The following CDH23 variants were observed in gnomAD, a reference collection of about 807,000 sequenced individuals.
The protein encoded by CDH23 is cadherin related 23.
CDH23 carries 189 observed loss-of-function variants against 317.1 expected under a neutral mutation model. That is an observed-to-expected ratio of 0.60 (90% CI 0.53 to 0.67). CDH23 has a LOEUF of 0.67. Among genes scored for constraint, CDH23 ranks in the 30% least tolerant of loss-of-function variants. The pLI is 0.00. For synonymous variants in CDH23, 1,839 were observed against 1,876.8 expected, an observed-to-expected ratio of 0.98 and a Z score of 0.52; for missense variants, 4,401 against 4,592.4, an observed-to-expected ratio of 0.96 and a Z score of 1.20.
chr10:71,474,011 TG>T (rs1330800243), intron 3 of CDH23, among the ~76,000 whole-genome samples: 1 of 152,242 alleles, frequency 6.6e-6, no homozygotes, highest in East Asian at 1.9e-4. Context: ...CTGCCGCTAA[TG>T]AGCGTCACAG....
chr10:71,712,952 C>A, intron 28 of CDH23, 139 bp downstream of exon 28: 2 of 1,054,362 alleles, frequency 1.9e-6, no homozygotes, highest in Admixed American at 2.1e-5. Context: ...CTGGAAGGTG[C>A]TGTGGGGAAA....
chr10:71,544,658 G>T (rs900001176), intron 6 of CDH23, among the ~76,000 whole-genome samples: 1 of 152,172 alleles, frequency 6.6e-6, no homozygotes. Flanking sequence ...CCTGGGACAC[G>T]CTGCACACCC....
At chr10:71,759,888 T>TATACACACACACACACATAC (rs1211461244) in intron 38 of CDH23, among the ~76,000 whole-genome samples, 1 of 29,946 alleles carries the variant, frequency 3.3e-5, no homozygotes, top group African/African-American at 7.6e-5. Context: ...CACACACATA[T>TATACACACACACACACATAC]ACACACACAC....
At chr10:71,587,340 T>C (rs1284149385) in intron 9 of CDH23, among the ~76,000 whole-genome samples, 3 of 152,254 alleles carry the variant, frequency 2.0e-5, no homozygotes, top group Non-Finnish European at 4.4e-5. Flanking sequence ...TATTCATTCA[T>C]TCATTTGTTC....
chr10:71,561,105 G>T (rs188442578), intron 6 of CDH23, among the ~76,000 whole-genome samples: 31 of 152,014 alleles, frequency 2.0e-4, no homozygotes, highest in African/African-American at 7.2e-4. Context: ...CTTTTCCTCT[G>T]TTCATAAGTT....
chr10:71,687,505 C>A, intron 18 of CDH23, 142 bp from the exon 19 acceptor site: 1 of 722,842 alleles, frequency 1.4e-6, no homozygotes, highest in Non-Finnish European at 2.5e-6. Flanking sequence ...GCTGACACCT[C>A]ACCTGGCTCT....
intron 1 of CDH23, among the ~76,000 whole-genome samples, chr10:71,409,047 T>G (rs1405985592): frequency 6.6e-6 from 1 of 152,228 alleles, no homozygotes; most frequent in Non-Finnish European, 1.5e-5. Context: ...GTTTGTTTGC[T>G]GAACTGGATA....
At position 71,403,454 on chromosome 10, in the gene CDH23, T is replaced by TTTCCTTCC. The variant is rs1158827093; in HGVS notation, c.-6+6183_-6+6190dup. On this transcript the variant is annotated intron_variant, in intron 1 of 69. Transcript: ENST00000224721. ...CTTCCTTCCTTCCTTCCTTCCTTCC[T>TTTCCTTCC]TTCCTTCCTTCCTTCCTTCCTTCCT... Among the ~76,000 whole-genome samples the TTTCCTTCC allele has an allele frequency of 1.2e-3, 41 of 35,250 alleles. 1 individual carries two copies. The highest frequency in any genetic ancestry group is 2.6e-3 in the South Asian group (2 of 768). 23.1% of individuals were successfully genotyped at this position (35,250 alleles called of 152,430 possible). A position where few individuals can be genotyped will look rare whatever the true frequency, so the allele number is the denominator to read the frequency against.
intron 11 of CDH23, among the ~76,000 whole-genome samples, chr10:71,637,548 T>A (rs544106207): frequency 6.6e-6 from 1 of 152,224 alleles, no homozygotes; most frequent in African/African-American, 2.4e-5. Context: ...TATGCAAAAA[T>A]CACACAGCTG....
intron 17 of CDH23, among the ~76,000 whole-genome samples, chr10:71,680,746 CAAA>C (rs1234418702): frequency 6.3e-5 from 1 of 15,942 alleles, no homozygotes; most frequent in Non-Finnish European, 1.4e-4. Flanking sequence ...CACTCCGTCT[CAAA>C]AAAAAAAAAA....
rs373838930 is a variant in CDH23, at chr10:71,791,117, G to C, written c.6050-15G>C. 4 of 1,593,100 alleles carry C rather than the reference G, an allele frequency of 2.5e-6. No homozygotes were observed. The highest frequency in any genetic ancestry group is 3.4e-6 in the Non-Finnish European group (4 of 1,170,006). On this transcript the variant is annotated splice_polypyrimidine_tract_variant and intron_variant, in intron 46 of 69. Transcript: ENST00000224721. The stretch of plus-strand genomic sequence containing the variant: ...TTTTCTGTGTGTTTCCCTGGCTGGC[G>C]GCACCGGGTGCCAGGTGTGGTGACC...
chr10:71,795,290 T>C (rs1246101809), intron 48 of CDH23, among the ~76,000 whole-genome samples: 1 of 151,960 alleles, frequency 6.6e-6, no homozygotes, highest in Admixed American at 6.5e-5. Context: ...CATGATAAAC[T>C]CAATCTGCAT....
intron 37 of CDH23, 35 bp downstream of exon 37, chr10:71,740,985 T>C (rs2132846391): frequency 2.5e-6 from 4 of 1,612,882 alleles, no homozygotes; most frequent in East Asian, 2.2e-5. Flanking sequence ...TAGCTGGACA[T>C]ACGGGGGGAC....
In CDH23 at chr10:71,740,852, C is replaced by T. The variant is rs760927863; in HGVS notation, c.4519C>T (p.Arg1507Trp). 24 of 1,613,702 alleles carry T rather than the reference C, an allele frequency of 1.5e-5. No individual in the cohort carries two copies. The highest frequency in any genetic ancestry group is 7.7e-5 in the South Asian group (7 of 91,090). The stretch of plus-strand genomic sequence containing the variant: ...GGCTTCTGACCGAGGCACCCCTCCA[C>T]GGAAGAAGGACCACATCCTGCAGGT... The part of the protein sequence containing the change: ...VVASDRGTPP[R>W]KKDHILQVTI... Residue 1507 changes from arginine (R) to tryptophan (W), a missense_variant, in exon 37 of 70, where the codon CGG becomes TGG. By Grantham distance (101) the Arg-to-Trp change is moderately radical. Transcript: ENST00000224721.
At chr10:71,491,979 G>A (rs532657368) in intron 3 of CDH23, among the ~76,000 whole-genome samples, 6 of 152,288 alleles carry the variant, frequency 3.9e-5, no homozygotes, top group Non-Finnish European at 7.4e-5. Context: ...GCCCTACTGC[G>A]CTGCCCAGCA....
chr10:71,599,319 G>A (rs756305560), intron 9 of CDH23, among the ~76,000 whole-genome samples: 35 of 152,254 alleles, frequency 2.3e-4, no homozygotes, highest in Non-Finnish European at 4.3e-4. Flanking sequence ...AGCAGAAAAG[G>A]TAAAAACCTC....
In CDH23 at chr10:71,707,467, A is replaced by AGAT. The variant is rs756433977; in HGVS notation, c.3106+420_3106+422dup. The AGAT allele has an allele frequency of 7.7e-4, 912 of 1,179,284 alleles. 2 individuals carry two copies. The highest frequency in any genetic ancestry group is 9.1e-4 in the Non-Finnish European group (865 of 947,800). The allele number at this position is 1,179,284 out of a possible 1,614,324, so 73.1% of individuals were successfully genotyped here. On this transcript the variant is annotated intron_variant, in intron 26 of 69. Transcript: ENST00000224721. ...TGAGAATTCCCACCTGTTTAGAGGC[A>AGAT]GATGGTTTTGATCTCCCTAAATGAA...
At chr10:71,431,925 G>A (rs1849389585) in intron 1 of CDH23, among the ~76,000 whole-genome samples, 1 of 152,236 alleles carries the variant, frequency 6.6e-6, no homozygotes, top group African/African-American at 2.4e-5. Flanking sequence ...TTTCCCAAAA[G>A]AGGGGAGTGT....
Position 71,798,737 on chromosome 10 carries a change from A to T in CDH23, c.7054+159A>T, listed in dbSNP as rs74145673. Among the ~76,000 whole-genome samples, 7,866 of 152,180 alleles carry T rather than the reference A, an allele frequency of 0.052. 530 individuals carry two copies. The highest frequency in any genetic ancestry group is 0.16 in the African/African-American group (6,487 of 41,496). On this transcript the variant is annotated intron_variant, in intron 50 of 69. Transcript: ENST00000224721. ...AGATTCCAGATGCCCAAACCAGGGG[A>T]AGGGACAGAGTGCTTACTCCTGGGT...
Sources: gnomAD v4.1 joint callset for allele counts (sites outside exome capture counted in the v4.1 genomes callset) on GRCh38, gnomAD v4.1.1 for gene constraint, MANE v1.5 for transcripts, NCBI Gene and HGNC (gene_info 2026-07-23, HGNC 2026-07-21) for gene names.